ENDOD1: variants seen among roughly 807,000 people sequenced by gnomAD.
ENDOD1 encodes endonuclease domain-containing 1 protein.
A neutral mutation model predicts 6.5 loss-of-function variants in ENDOD1; 9 were observed. The ratio of observed to expected loss-of-function variants is 1.39; its 90% confidence interval spans 0.84 to 2.43. The LOEUF is 2.43. Among genes scored for constraint, ENDOD1 ranks in the 30% most tolerant of loss-of-function variants. The pLI is 0.00. For synonymous variants in ENDOD1, 255 were observed against 255.2 expected, an observed-to-expected ratio of 1.00 and a Z score of 0.01; for missense variants, 648 against 635.5, an observed-to-expected ratio of 1.02 and a Z score of -0.21.
chr11:95,111,092 C>T (rs1307546994), intron 1 of ENDOD1, among the ~76,000 whole-genome samples: 1 of 152,146 alleles, frequency 6.6e-6, no homozygotes, highest in Non-Finnish European at 1.5e-5. Flanking sequence ...ATGCTTATGT[C>T]CCTGAAGGCC....
At chr11:95,120,905 G>A (rs970733073) in intron 1 of ENDOD1, among the ~76,000 whole-genome samples, 1 of 152,184 alleles carries the variant, frequency 6.6e-6, no homozygotes, top group Non-Finnish European at 1.5e-5. Flanking sequence ...CCGTGGGCAG[G>A]CATTAGCTGA....
At chr11:95,091,635 G>C in intron 1 of ENDOD1, among the ~76,000 whole-genome samples, 1 of 152,192 alleles carries the variant, frequency 6.6e-6, no homozygotes, top group East Asian at 1.9e-4. Flanking sequence ...GACAGCTTGG[G>C]GAGACAGAAC....
Position 95,103,286 on chromosome 11 carries a change from C to T in ENDOD1, c.300+13059C>T, listed in dbSNP as rs189664252. 2.7e-3 allele frequency among the ~76,000 whole-genome samples: 406 copies of T among 152,240 alleles called. 1 individual carries two copies. Among genetic ancestry groups the T allele is most frequent in the African/African-American group, 9.4e-3 (389 of 41,550 alleles). ...ATGGAATTACAAGGAGCTTCAGTAA[C>T]GGAAACAAACTCACCTTGTTTATTT... On this transcript the variant is annotated intron_variant, in intron 1 of 1. Transcript: ENST00000278505.
intron 1 of ENDOD1, among the ~76,000 whole-genome samples, chr11:95,101,051 T>C (rs1415386165): frequency 6.6e-6 from 1 of 152,106 alleles, no homozygotes; most frequent in Non-Finnish European, 1.5e-5. Flanking sequence ...GCCAGGACTA[T>C]TGGTGCTCAC....
intron 1 of ENDOD1, among the ~76,000 whole-genome samples, chr11:95,111,883 A>G (rs1223583393): frequency 6.6e-6 from 1 of 151,986 alleles, no homozygotes; most frequent in Non-Finnish European, 1.5e-5. Context: ...TGTTCCCTTT[A>G]CCTTGCATGG....
At chr11:95,122,391 CT>C (rs539153720) in intron 1 of ENDOD1, among the ~76,000 whole-genome samples, 32,584 of 134,700 alleles carry the variant, frequency 0.24, 3,778 homozygotes, top group Non-Finnish European at 0.29. Context: ...CCTGGCTTTT[CT>C]TTTTTTTTTT....
At position 95,129,175 on chromosome 11, in the gene ENDOD1, C is replaced by G; in HGVS notation, c.1099C>G (p.Gln367Glu). Reference sequence around the variant, plus strand: ...CTATTTCCTGTGGTGTGTTACCAAGCAGGTGATTAATGGCATAGAAAGTTG... The same window carrying G: ...CTATTTCCTGTGGTGTGTTACCAAGGAGGTGATTAATGGCATAGAAAGTTG... ...IVYFLWCVTK[Q>E]VINGIESCLY... Residue 367 changes from glutamine to glutamate, a missense_variant, in exon 2 of 2, where the codon CAG (glutamine) becomes GAG (glutamate). Gln to Glu is a conservative substitution (Grantham distance 29, BLOSUM62 2). Transcript: ENST00000278505. 1 of 1,614,142 alleles carries G rather than the reference C, an allele frequency of 6.2e-7. No individual in the cohort carries two copies. Among genetic ancestry groups the G allele is most frequent in the Non-Finnish European group, 8.5e-7 (1 of 1,180,026 alleles).
Position 95,128,781 on chromosome 11 carries a change from CT to C in ENDOD1, c.708del (p.Phe236LeufsTer11), listed in dbSNP as rs1423067198. On this transcript the variant is annotated frameshift_variant, in exon 2 of 2. Transcript: ENST00000278505. LOFTEE classifies it low-confidence loss of function (END_TRUNC). ...TCCCTGGAGGAGGCTGGGCCATGGG[CT>C]TTGTCAAGCACACCCGGGACAGTGA... ...AVPGGGWAMG[F>X]VKHTRDSDII... The C allele has an allele frequency of 5.0e-6, 8 of 1,614,046 alleles. No individual in the cohort carries two copies. Among genetic ancestry groups the C allele is most frequent in the Non-Finnish European group, 5.9e-6 (7 of 1,180,032 alleles).
chr11:95,090,270 C>T (rs1858916002), intron 1 of ENDOD1, 43 bp downstream of exon 1: 3 of 1,356,378 alleles, frequency 2.2e-6, no homozygotes, highest in East Asian at 3.1e-5. Context: ...GCGCCGGAGA[C>T]CGTGCCGCTG....
intron 1 of ENDOD1, among the ~76,000 whole-genome samples, chr11:95,103,353 C>T (rs1249926021): frequency 6.6e-6 from 1 of 152,146 alleles, no homozygotes; most frequent in Non-Finnish European, 1.5e-5. Context: ...CATTCCTGGT[C>T]AGCAGCTCTA....
intron 1 of ENDOD1, among the ~76,000 whole-genome samples, chr11:95,096,104 C>A (rs1838985): frequency 2.6e-5 from 4 of 151,758 alleles, no homozygotes; most frequent in South Asian, 2.1e-4. Flanking sequence ...CATAAAATTT[C>A]TCTTCCTTTT....
chr11:95,093,900 G>T (rs1858955711), intron 1 of ENDOD1, among the ~76,000 whole-genome samples: 1 of 152,080 alleles, frequency 6.6e-6, no homozygotes, highest in Admixed American at 6.5e-5. Flanking sequence ...TACAGGAGAT[G>T]GTTTGGAGGA....
chr11:95,107,062 GA>G (rs1859095988), intron 1 of ENDOD1, among the ~76,000 whole-genome samples: 2 of 152,032 alleles, frequency 1.3e-5, no homozygotes, highest in African/African-American at 4.8e-5. Context: ...AATTCCTTCA[GA>G]GAGTGATCAA....
intron 1 of ENDOD1, among the ~76,000 whole-genome samples, chr11:95,102,500 T>A (rs1859050210): frequency 6.6e-6 from 1 of 151,406 alleles, no homozygotes; most frequent in South Asian, 2.1e-4. Context: ...GGTGAAACCC[T>A]GTCTCTACTA....
At position 95,131,304 on chromosome 11, in the gene ENDOD1, G is replaced by A. The variant is rs537918235; in HGVS notation, c.*1725G>A. 2 of 152,212 alleles carry A rather than the reference G, an allele frequency of 1.3e-5. No individual in the cohort carries two copies. Among genetic ancestry groups the A allele is most frequent in the South Asian group, 4.1e-4 (2 of 4,836 alleles). 9.4% of individuals were successfully genotyped at this position (152,212 alleles called of 1,614,324 possible). ...GTTTGGATGTCCCTTTATTTCAGCA[G>A]TGTGAAGGTAAATGGAAGGGTGAGG... On this transcript the variant is annotated 3_prime_UTR_variant, in exon 2 of 2. Transcript: ENST00000278505.
chr11:95,096,690 G>A (rs1190755632), intron 1 of ENDOD1, among the ~76,000 whole-genome samples: 1 of 152,110 alleles, frequency 6.6e-6, no homozygotes, highest in African/African-American at 2.4e-5. Flanking sequence ...GACACCTAAT[G>A]CTTTAAGAAA....
intron 1 of ENDOD1, among the ~76,000 whole-genome samples, chr11:95,099,067 T>C (rs1026698782): frequency 1.3e-5 from 2 of 152,172 alleles, no homozygotes; most frequent in African/African-American, 2.4e-5. Flanking sequence ...TTTGTGGCTA[T>C]AGGAAGGGTG....
rs1565449757 is a variant in ENDOD1, at chr11:95,128,411, T to A, written c.335T>A (p.Ile112Asn). The A allele has an allele frequency of 6.2e-7, 1 of 1,614,058 alleles. No individual in the cohort carries two copies. The change falls in exon 2 of 2, where the codon ATT becomes AAT. Residue 112 changes from isoleucine to asparagine, a missense_variant. By Grantham distance (149) the Ile-to-Asn change is moderately radical (BLOSUM62 -3). Transcript: ENST00000278505. ...CCCAACAGCAACCTTGAGGAGGCGA[T>A]TAATGAGGCAGAGGCCATCACCTCT... ...DDPNSNLEEA[I>N]NEAEAITSVN... is the part of the protein sequence containing the mutation.
intron 1 of ENDOD1, among the ~76,000 whole-genome samples, chr11:95,115,790 T>C (rs181412864): frequency 1.3e-5 from 2 of 152,276 alleles, no homozygotes; most frequent in African/African-American, 2.4e-5. Context: ...ATGTGTCACA[T>C]TGATTGATTT....
Sources: allele counts gnomAD v4.1 joint callset (sites outside exome capture counted in the v4.1 genomes callset), GRCh38; gene constraint gnomAD v4.1.1; transcripts MANE v1.5; gene names NCBI Gene and HGNC (gene_info 2026-07-23, HGNC 2026-07-21).